The following RGS6 variants were observed in gnomAD, a reference collection of about 807,000 sequenced individuals.
RGS6 encodes regulator of G-protein signaling 6.
Under a neutral mutation model 78.5 loss-of-function variants are expected in RGS6, and 30 were observed. The observed-to-expected ratio is 0.38, with a 90% confidence interval of 0.29 to 0.52. RGS6 has a LOEUF of 0.52. Among genes scored for constraint, RGS6 ranks in the 20% least tolerant of loss-of-function variants. The probability of loss-of-function intolerance (pLI) is 0.85; values close to 1 mark genes in which losing one functional copy is unlikely to be tolerated. For synonymous variants in RGS6, 206 were observed against 206.0 expected, an observed-to-expected ratio of 1.00 and a Z score of 0.00; for missense variants, 495 against 609.7, an observed-to-expected ratio of 0.81 and a Z score of 1.98.
At position 72,297,409 on chromosome 14, in the gene RGS6, T is replaced by C. The variant is rs183535296; in HGVS notation, c.85-54686T>C. The stretch of plus-strand genomic sequence containing the variant: ...TGAGTTTTCTAATCCTTAAACATGG[T>C]ATATATTATTATTATTATTATTTTT... On this transcript the variant is annotated intron_variant, in intron 2 of 17. Coordinates refer to ENST00000553525, the MANE Select transcript of RGS6 (RefSeq NM_001204424.2). Among the ~76,000 whole-genome samples, 35 of 147,634 alleles carry C rather than the reference T, an allele frequency of 2.4e-4. 1 individual carries two copies. The East Asian group carries it at 6.9e-3, about 29-fold the overall frequency.
chr14:72,360,391 G>T (rs543857450), intron 3 of RGS6, among the ~76,000 whole-genome samples: 1 of 151,744 alleles, frequency 6.6e-6, no homozygotes, highest in Admixed American at 6.6e-5. Context: ...GTGTGGTGGC[G>T]GGCACCTGTA....
chr14:72,357,595 T>G (rs375483384), intron 3 of RGS6, among the ~76,000 whole-genome samples: 2 of 152,252 alleles, frequency 1.3e-5, no homozygotes, highest in African/African-American at 4.8e-5. Context: ...ATTTTGGCCC[T>G]GCCCTAGAGA....
chr14:72,478,561 G>C (rs894010179), intron 12 of RGS6, among the ~76,000 whole-genome samples: 9 of 152,222 alleles, frequency 5.9e-5, no homozygotes, highest in African/African-American at 1.9e-4. Context: ...GGGTGGCCAC[G>C]GGACCTTGTC....
intron 2 of RGS6, among the ~76,000 whole-genome samples, chr14:71,989,956 GTATAAAGAAAAGAGGATT>G (rs142021670): frequency 0.32 from 48,954 of 151,782 alleles, 8,444 homozygotes; most frequent in Admixed American, 0.38. Context: ...CAGACACTGG[GTATAAAGAAAAGAGGATT>G]TATAAAGAAA....
At chr14:72,021,532 G>A (rs537224726) in intron 2 of RGS6, among the ~76,000 whole-genome samples, 3 of 139,418 alleles carry the variant, frequency 2.2e-5, no homozygotes, top group Admixed American at 1.6e-4. Flanking sequence ...GCAATGGCAC[G>A]ATCTCAGCTC....
chr14:72,307,422 C>T (rs2152439325), intron 2 of RGS6, among the ~76,000 whole-genome samples: 2 of 152,124 alleles, frequency 1.3e-5, no homozygotes, highest in Admixed American at 1.3e-4. Context: ...TTAATGGCTT[C>T]ACTTTTACAT....
intron 2 of RGS6, among the ~76,000 whole-genome samples, chr14:72,274,860 T>C (rs1170322305): frequency 6.6e-6 from 1 of 152,254 alleles, no homozygotes; most frequent in Non-Finnish European, 1.5e-5. Flanking sequence ...ATAATACATT[T>C]GTGCTGCTTT....
intron 2 of RGS6, among the ~76,000 whole-genome samples, chr14:72,179,228 T>G (rs1228626972): frequency 6.6e-6 from 1 of 152,190 alleles, no homozygotes; most frequent in Non-Finnish European, 1.5e-5. Flanking sequence ...TTGCCCCTTT[T>G]TGTGGCTGAA....
At chr14:72,054,357 A>G (rs1254742015) in intron 2 of RGS6, among the ~76,000 whole-genome samples, 3 of 152,208 alleles carry the variant, frequency 2.0e-5, no homozygotes, top group South Asian at 4.1e-4. Context: ...TGGAGGAATC[A>G]CTGTGCTCGA....
intron 2 of RGS6, among the ~76,000 whole-genome samples, chr14:72,091,189 C>T (rs751264201): frequency 5.9e-5 from 9 of 152,168 alleles, no homozygotes; most frequent in Non-Finnish European, 1.3e-4. Flanking sequence ...GGCCTTCTCC[C>T]ACTCCCCGCT....
rs8008324 is a variant in RGS6 at position 72,134,724 on chromosome 14, T to C, written c.84+169849T>C. On this transcript the variant is annotated intron_variant, in intron 2 of 17. Transcript: ENST00000553525. The stretch of plus-strand genomic sequence containing the variant: ...CAGAAGAGCTGGTGGTTTAACTCAG[T>C]CTGAAGGCCTGAGAACCAGGGGAGT... 1.5e-3 allele frequency among the ~76,000 whole-genome samples: 223 copies of C among 152,288 alleles called. 3 individuals are homozygous for C. Among genetic ancestry groups the C allele is most frequent in the African/African-American group, 5.1e-3 (212 of 41,570 alleles).
chr14:72,383,205 T>C (rs1389869366), intron 3 of RGS6, among the ~76,000 whole-genome samples: 5 of 119,212 alleles, frequency 4.2e-5, no homozygotes, highest in African/African-American at 1.4e-4. Flanking sequence ...TATATATATA[T>C]ATATATATAC....
the RGS6 span, among the ~76,000 whole-genome samples, chr14:72,605,087 C>G: frequency 6.6e-6 from 1 of 152,174 alleles, no homozygotes; most frequent in Non-Finnish European, 1.5e-5. Context: ...GTTTGGGCTC[C>G]CTGTCTGGAG....
chr14:72,302,852 G>A (rs1417927732), intron 2 of RGS6, among the ~76,000 whole-genome samples: 1 of 152,188 alleles, frequency 6.6e-6, no homozygotes, highest in Non-Finnish European at 1.5e-5. Context: ...GGGACCCAGT[G>A]GGAGGTAATT....
intron 8 of RGS6, among the ~76,000 whole-genome samples, chr14:72,470,500 G>A (rs184598469): frequency 4.5e-4 from 69 of 152,302 alleles, no homozygotes; most frequent in African/African-American, 1.6e-3. Context: ...TCCCTGACAG[G>A]GGAGGAGTTT....
chr14:71,972,046 T>G (rs929776602), intron 2 of RGS6, among the ~76,000 whole-genome samples: 10 of 152,026 alleles, frequency 6.6e-5, no homozygotes, highest in African/African-American at 2.4e-4. Flanking sequence ...AGGGTACATG[T>G]GCACAACGTG....
the RGS6 span, among the ~76,000 whole-genome samples, chr14:72,623,808 A>G: frequency 6.6e-6 from 1 of 152,244 alleles, no homozygotes; most frequent in Non-Finnish European, 1.5e-5. Flanking sequence ...TAGCACCTCT[A>G]GCACCCATAT....
chr14:72,569,039 C>T (rs1013176335), downstream of RGS6, among the ~76,000 whole-genome samples: 4 of 152,144 alleles, frequency 2.6e-5, no homozygotes, highest in Non-Finnish European at 5.9e-5. Flanking sequence ...TCCTGTGGCC[C>T]TTGCCTGTGA....
At chr14:72,487,507 A>T (rs2096509977) in intron 12 of RGS6, among the ~76,000 whole-genome samples, 1 of 152,222 alleles carries the variant, frequency 6.6e-6, no homozygotes, top group Non-Finnish European at 1.5e-5. Flanking sequence ...TAGAGAGATT[A>T]TCCTGGATTG....
Sources: gnomAD v4.1 joint callset for allele counts (sites outside exome capture counted in the v4.1 genomes callset) on GRCh38, gnomAD v4.1.1 for gene constraint, MANE v1.5 for transcripts, NCBI Gene and HGNC (gene_info 2026-07-23, HGNC 2026-07-21) for gene names.